Variants in SUCO observed in about 807,000 individuals in gnomAD.
SUCO encodes the protein SUN domain-containing ossification factor.
In SUCO, 57 loss-of-function variants were observed where a neutral mutation model predicts 148.1. That is an observed-to-expected ratio of 0.38 (90% CI 0.31 to 0.48). SUCO has a LOEUF of 0.48. Ranked by LOEUF, SUCO falls within the 20% of genes least tolerant of loss-of-function variation. SUCO has a pLI of 0.96. For missense variants in SUCO, 1,331 were observed against 1,468.2 expected (o/e 0.91, Z 1.53); for synonymous variants, 470 against 502.7 (o/e 0.93, Z 0.87).
chr1:172,538,545 T>C (rs1017532411), intron 1 of SUCO, among the ~76,000 whole-genome samples: 5 of 152,170 alleles, frequency 3.3e-5, no homozygotes, highest in African/African-American at 1.2e-4. Context: ...ATTTTTTTGC[T>C]TGTTTCTGCT....
In SUCO at chr1:172,585,021, C is replaced by T; in HGVS notation, c.1502C>T (p.Ala501Val). ...SKNLLGSATNAILNMVNIAAN... is the reference protein window; with the variant it reads ...SKNLLGSATNVILNMVNIAAN... ...TTCTGATTGAATTTTGTTTTAGATG[C>T]CATTCTAAATATGGTGAATATTGCT... The change falls in exon 16 of 24, where the codon GCC becomes GTC. Residue 501 changes from alanine to valine, a missense_variant. Transcript: ENST00000263688. 1 of 1,592,044 alleles carries T rather than the reference C, an allele frequency of 6.3e-7. No homozygotes were observed. The highest frequency in any genetic ancestry group is 8.6e-7 in the Non-Finnish European group (1 of 1,167,576).
intron 19 of SUCO, among the ~76,000 whole-genome samples, chr1:172,598,575 A>T (rs958824862): frequency 1.2e-4 from 19 of 152,204 alleles, no homozygotes; most frequent in Admixed American, 8.5e-4. Context: ...GCAGTGTGTT[A>T]TTTAGCTTTC....
chr1:172,594,980 A>G (rs1209020629), intron 19 of SUCO, among the ~76,000 whole-genome samples: 1 of 152,136 alleles, frequency 6.6e-6, no homozygotes, highest in Non-Finnish European at 1.5e-5. Flanking sequence ...TTGGGTGCAT[A>G]TATGTATTTA....
chr1:172,592,557 G>T (rs548093560), intron 19 of SUCO, among the ~76,000 whole-genome samples: 4 of 152,010 alleles, frequency 2.6e-5, no homozygotes, highest in Admixed American at 6.6e-5. Flanking sequence ...TTCTTGTTTT[G>T]GTCAGGTTTG....
At position 172,589,511 on chromosome 1, in the gene SUCO, G is replaced by C; in HGVS notation, c.2410G>C (p.Asp804His). 1 of 1,612,950 alleles carries C rather than the reference G, an allele frequency of 6.2e-7. No homozygotes were observed. Among genetic ancestry groups the C allele is most frequent in the Non-Finnish European group, 8.5e-7 (1 of 1,179,510 alleles). Residue 804 changes from aspartate to histidine, a missense_variant, in exon 18 of 24, where the codon GAT becomes CAT. Asp to His is a moderately conservative substitution (Grantham distance 81). This residue lies in a region of SUCO where 992 missense variants were observed against 1,093.5 expected (regional missense o/e 0.91). Coordinates refer to ENST00000263688, the MANE Select transcript of SUCO (RefSeq NM_014283.5). The part of the protein sequence containing the change: ...YETNKVNELM[D>H]NIIKEDVNSM... The stretch of plus-strand genomic sequence containing the variant: ...AACAAATAAAGTTAATGAGTTAATG[G>C]ATAATATTATAAAAGAAGATGTGAA...
At chr1:172,606,527 T>A (rs1258015192) in intron 22 of SUCO, among the ~76,000 whole-genome samples, 1 of 151,794 alleles carries the variant, frequency 6.6e-6, no homozygotes, top group Non-Finnish European at 1.5e-5. Context: ...TTACTGTTCT[T>A]GTATATTTTA....
intron 15 of SUCO, chr1:172,584,358 G>T: frequency 3.2e-6 from 3 of 950,712 alleles, no homozygotes; most frequent in Non-Finnish European, 3.8e-6. Context: ...TGTAAAATAA[G>T]AATTTTGGTC....
rs1472945337 is a variant in SUCO at position 172,553,378 on chromosome 1, A to G, written c.288+8A>G. The stretch of plus-strand genomic sequence containing the variant: ...TCTATTGTGGATGTACAAGTAAGCT[A>G]TGTCGCTTTGATTTTCAATAATATG... On this transcript the variant is annotated splice_region_variant and intron_variant, in intron 3 of 23. Coordinates refer to ENST00000263688, the MANE Select transcript of SUCO (RefSeq NM_014283.5). The G allele has an allele frequency of 2.6e-6, 4 of 1,555,034 alleles. No homozygotes were observed. The highest frequency in any genetic ancestry group is 2.6e-6 in the Non-Finnish European group (3 of 1,139,920).
At chr1:172,564,554 C>T (rs931696385) in intron 6 of SUCO, among the ~76,000 whole-genome samples, 14 of 152,210 alleles carry the variant, frequency 9.2e-5, no homozygotes, top group Admixed American at 1.3e-4. Context: ...TTTCCTGAGG[C>T]CTTCTCAACT....
At chr1:172,567,155 G>T (rs1055305748) in intron 6 of SUCO, among the ~76,000 whole-genome samples, 2 of 152,188 alleles carry the variant, frequency 1.3e-5, no homozygotes, top group Non-Finnish European at 2.9e-5. Context: ...AGTCCCAGAA[G>T]TTATGGATAT....
Position 172,588,967 on chromosome 1 carries a change from A to T in SUCO, c.1866A>T (p.Thr622=). The part of the protein sequence containing the change: ...ETQIFCSELT[T]ICCISSFSEY... ...AAATATTTTGCAGTGAACTGACCACAATTTGTTGTATTTCTAGTTTTTCAG... is the reference window on the plus strand; with the variant it reads ...AAATATTTTGCAGTGAACTGACCACTATTTGTTGTATTTCTAGTTTTTCAG... The change falls in exon 18 of 24, where the codon ACA becomes ACT. Residue 622 remains threonine (T), a synonymous_variant. Coordinates refer to ENST00000263688, the MANE Select transcript of SUCO (RefSeq NM_014283.5). 6.2e-7 allele frequency: 1 copy of T among 1,610,368 alleles called. No individual in the cohort carries two copies. The highest frequency in any genetic ancestry group is 2.2e-5 in the East Asian group (1 of 44,858).
intron 19 of SUCO, chr1:172,599,459 A>G (rs1455347102): frequency 1.6e-5 from 13 of 802,962 alleles, no homozygotes; most frequent in Non-Finnish European, 2.0e-5. Flanking sequence ...TGTTGATTAT[A>G]AAAGTTTCTA....
At chr1:172,556,055 G>T in intron 4 of SUCO, 32 bp downstream of exon 4, 2 of 1,557,450 alleles carry the variant, frequency 1.3e-6, no homozygotes, top group Non-Finnish European at 8.8e-7. Context: ...ACACAAAAAA[G>T]AATCTCCTTA....
chr1:172,577,705 G>A (rs2149251816), intron 12 of SUCO, 59 bp from the exon 13 acceptor site: 5 of 1,581,970 alleles, frequency 3.2e-6, no homozygotes, highest in East Asian at 4.5e-5. Flanking sequence ...TGAGTATATT[G>A]TTAGATAATC....
At chr1:172,539,331 A>G (rs539817019) in intron 1 of SUCO, among the ~76,000 whole-genome samples, 50 of 152,292 alleles carry the variant, frequency 3.3e-4, no homozygotes, top group African/African-American at 1.2e-3. Context: ...CATGTTTTAG[A>G]TTATACTTTA....
chr1:172,557,556 T>C, intron 5 of SUCO, 88 bp from the exon 6 acceptor site: 1 of 1,474,566 alleles, frequency 6.8e-7, no homozygotes, highest in Non-Finnish European at 9.2e-7. Context: ...TTGGTTTACT[T>C]TGTGCATGAG....
intron 1 of SUCO, among the ~76,000 whole-genome samples, chr1:172,549,070 CAT>C (rs1469084824): frequency 6.6e-6 from 1 of 151,856 alleles, no homozygotes; most frequent in Non-Finnish European, 1.5e-5. Context: ...GTCTTAATAA[CAT>C]AATGTTTTCC....
chr1:172,605,480 G>T (rs947340498), intron 22 of SUCO, among the ~76,000 whole-genome samples: 6 of 151,662 alleles, frequency 4.0e-5, no homozygotes, highest in African/African-American at 1.5e-4. Context: ...GTACATGAGG[G>T]CTTATCTCTG....
chr1:172,562,159 G>A (rs1009367674), intron 6 of SUCO, among the ~76,000 whole-genome samples: 1 of 152,078 alleles, frequency 6.6e-6, no homozygotes, highest in African/African-American at 2.4e-5. Context: ...TTAGCCTCAG[G>A]TCACAACAGC....
Sources: gnomAD v4.1 joint callset for allele counts (sites outside exome capture counted in the v4.1 genomes callset) on GRCh38, gnomAD v4.1.1 for gene constraint, gnomAD v4.1.1 regional missense constraint, MANE v1.5 for transcripts, NCBI Gene and HGNC (gene_info 2026-07-23, HGNC 2026-07-21) for gene names.